Variants in DPYD observed in about 807,000 individuals in gnomAD.
DPYD encodes dihydropyrimidine dehydrogenase, also known as dihydropyrimidine dehydrogenase [NADP(+)].
In DPYD, 109 loss-of-function variants were observed where a neutral mutation model predicts 116.2. That is an observed-to-expected ratio of 0.94 (90% CI 0.80 to 1.10). The LOEUF is 1.10. Ranked by LOEUF, DPYD falls within the 50% of genes least tolerant of loss-of-function variation. The pLI is 0.00. For missense variants in DPYD, 1,302 were observed against 1,254.5 expected (o/e 1.04, Z -0.57); for synonymous variants, 440 against 432.0 (o/e 1.02, Z -0.23).
At chr1:97,726,498 T>C (rs1417220080) in intron 4 of DPYD, among the ~76,000 whole-genome samples, 3 of 151,618 alleles carry the variant, frequency 2.0e-5, no homozygotes, top group Admixed American at 1.3e-4. Flanking sequence ...GTCATCATTG[T>C]TAGAAATAAT....
intron 14 of DPYD, among the ~76,000 whole-genome samples, chr1:97,409,880 C>A (rs1673879350): frequency 6.6e-6 from 1 of 152,090 alleles, no homozygotes; most frequent in African/African-American, 2.4e-5. Context: ...GAGTTTGAGA[C>A]CAGCCTGGCC....
chr1:97,465,135 A>C (rs568602315), intron 13 of DPYD, among the ~76,000 whole-genome samples: 1 of 152,198 alleles, frequency 6.6e-6, no homozygotes, highest in Non-Finnish European at 1.5e-5. Flanking sequence ...GCTGGATTTC[A>C]GACTTGCTTG....
At chr1:97,745,314 G>A (rs1280288346) in intron 3 of DPYD, among the ~76,000 whole-genome samples, 1 of 152,056 alleles carries the variant, frequency 6.6e-6, no homozygotes, top group Non-Finnish European at 1.5e-5. Flanking sequence ...CATGTTTTGA[G>A]GCTTTTGATA....
At chr1:97,548,500 G>A (rs1172783243) in intron 12 of DPYD, among the ~76,000 whole-genome samples, 2 of 152,160 alleles carry the variant, frequency 1.3e-5, no homozygotes, top group Admixed American at 1.3e-4. Flanking sequence ...ACTTTGGGAG[G>A]CTGAGGTGGG....
At chr1:97,768,008 A>G (rs942285341) in intron 3 of DPYD, among the ~76,000 whole-genome samples, 17 of 152,154 alleles carry the variant, frequency 1.1e-4, no homozygotes, top group African/African-American at 3.6e-4. Context: ...ATAGAAGAGT[A>G]TCTGATTTTT....
At chr1:97,778,607 C>T (rs1455952102) in intron 3 of DPYD, among the ~76,000 whole-genome samples, 1 of 152,070 alleles carries the variant, frequency 6.6e-6, no homozygotes, top group Non-Finnish European at 1.5e-5. Flanking sequence ...AGGACTATAA[C>T]CTAAAATGTT....
At chr1:97,425,211 C>T (rs925477959) in intron 14 of DPYD, among the ~76,000 whole-genome samples, 3 of 152,002 alleles carry the variant, frequency 2.0e-5, no homozygotes, top group African/African-American at 7.2e-5. Flanking sequence ...GATGTTACCA[C>T]ATTTCAACTA....
At chr1:97,573,147 T>A (rs1322753059) in intron 11 of DPYD, among the ~76,000 whole-genome samples, 1 of 152,100 alleles carries the variant, frequency 6.6e-6, no homozygotes, top group Non-Finnish European at 1.5e-5. Context: ...GGGAAAAGTA[T>A]AACATAAAGT....
At chr1:97,098,413 T>C in intron 21 of DPYD, 76 bp downstream of exon 21, 4 of 1,535,378 alleles carry the variant, frequency 2.6e-6, no homozygotes, top group South Asian at 2.3e-5. Context: ...ATTTAAGCAG[T>C]AAATAAACAT....
intron 18 of DPYD, among the ~76,000 whole-genome samples, chr1:97,261,317 A>G (rs918924400): frequency 2.0e-5 from 3 of 151,984 alleles, no homozygotes; most frequent in Admixed American, 2.0e-4. Flanking sequence ...TTTAGAATAC[A>G]TTATTTTTAT....
intron 11 of DPYD, among the ~76,000 whole-genome samples, chr1:97,557,699 A>G (rs1411170126): frequency 6.6e-6 from 1 of 152,276 alleles, no homozygotes; most frequent in East Asian, 1.9e-4. Flanking sequence ...ATCAACATCC[A>G]GTCAGTTAAC....
At chr1:97,704,195 T>C (rs1030175500) in intron 5 of DPYD, among the ~76,000 whole-genome samples, 7 of 152,050 alleles carry the variant, frequency 4.6e-5, no homozygotes, top group Non-Finnish European at 1.5e-5. Context: ...TCCATGAATG[T>C]AGCCTGATTA....
At chr1:97,785,644 A>AAG (rs1201353556) in intron 3 of DPYD, among the ~76,000 whole-genome samples, 2 of 149,650 alleles carry the variant, frequency 1.3e-5, no homozygotes, top group South Asian at 2.1e-4. Flanking sequence ...TGCTGGCCAC[A>AAG]AGAGAGATTA....
intron 20 of DPYD, among the ~76,000 whole-genome samples, chr1:97,176,436 TCAGCTCTCATC>T (rs2101787701): frequency 6.6e-6 from 1 of 152,274 alleles, no homozygotes; most frequent in African/African-American, 2.4e-5. Context: ...CAGGCTCTAA[TCAGCTCTCATC>T]CAGATGCTCT....
At chr1:97,315,912 G>C (rs1667802507) in intron 16 of DPYD, among the ~76,000 whole-genome samples, 1 of 151,924 alleles carries the variant, frequency 6.6e-6, no homozygotes, top group Admixed American at 6.6e-5. Flanking sequence ...CATGGTAGGA[G>C]ACAATGATTG....
At chr1:97,264,408 A>G (rs925881683) in intron 18 of DPYD, among the ~76,000 whole-genome samples, 1 of 150,834 alleles carries the variant, frequency 6.6e-6, no homozygotes, top group Non-Finnish European at 1.5e-5. Context: ...CTGGTCTTGA[A>G]CTCCTGAGCT....
At chr1:97,536,519 T>C (rs1650010895) in intron 12 of DPYD, among the ~76,000 whole-genome samples, 1 of 152,240 alleles carries the variant, frequency 6.6e-6, no homozygotes, top group Non-Finnish European at 1.5e-5. Flanking sequence ...GATAAGATTG[T>C]TTTTATCTGA....
At chr1:97,566,029 T>C (rs769204396) in intron 11 of DPYD, among the ~76,000 whole-genome samples, 6 of 152,074 alleles carry the variant, frequency 3.9e-5, no homozygotes, top group African/African-American at 7.2e-5. Context: ...GTTGAGCAAA[T>C]TGCATAATCT....
chr1:97,351,132 T>C (rs1481543889), intron 16 of DPYD, among the ~76,000 whole-genome samples: 3 of 152,124 alleles, frequency 2.0e-5, no homozygotes, highest in African/African-American at 4.8e-5. Flanking sequence ...GTTTATTATC[T>C]CTCTTTCAAA....
Sources: gnomAD v4.1 joint callset for allele counts (sites outside exome capture counted in the v4.1 genomes callset) on GRCh38, gnomAD v4.1.1 for gene constraint, MANE v1.5 for transcripts, NCBI Gene and HGNC (gene_info 2026-07-23, HGNC 2026-07-21) for gene names.